Variants in HSF2BP observed in about 807,000 individuals in gnomAD.
HSF2BP encodes the protein heat shock factor 2-binding protein.
A neutral mutation model predicts 35.0 loss-of-function variants in HSF2BP; 35 were observed. The observed-to-expected ratio is 1.00, with a 90% CI of 0.76 to 1.32. The LOEUF is 1.32. Ranked by LOEUF, HSF2BP falls within the 40% of genes most tolerant of loss-of-function variation. The probability of loss-of-function intolerance (pLI) is 0.00; values close to 1 mark genes in which losing one functional copy is unlikely to be tolerated. For synonymous variants in HSF2BP, 114 were observed against 117.4 expected, an observed-to-expected ratio of 0.97 and a Z score of 0.18; for missense variants, 326 against 321.7, an observed-to-expected ratio of 1.01 and a Z score of -0.10.
chr21:43,610,435 C>CAA lies in HSF2BP; in HGVS notation c.692+3393_692+3394dup, dbSNP rs11382971. ...GAGACCCTGTCTCTACAAAAAATAC[C>CAA]AAAAAAAAAAAAAAAATTAGCTGCG... On this transcript the variant is annotated intron_variant, in intron 7 of 8. Coordinates refer to ENST00000291560, the MANE Select transcript of HSF2BP (RefSeq NM_007031.2). 6.0e-3 allele frequency among the ~76,000 whole-genome samples: 844 copies of CAA among 140,452 alleles called. 5 individuals are homozygous for CAA. Among genetic ancestry groups the CAA allele is most frequent in the East Asian group, 0.024 (115 of 4,810 alleles). The allele number at this position is 140,452 out of a possible 152,430, so 92.1% of individuals were successfully genotyped here.
intron 5 of HSF2BP, 56 bp from the exon 6 acceptor site, chr21:43,630,510 A>G (rs779849697): frequency 1.3e-6 from 2 of 1,554,688 alleles, no homozygotes; most frequent in Admixed American, 2.0e-5. Context: ...GTGTGAAAAC[A>G]TTTTAAAAGT....
intron 4 of HSF2BP, among the ~76,000 whole-genome samples, chr21:43,637,042 AC>A (rs945815682): frequency 9.2e-5 from 14 of 152,102 alleles, no homozygotes; most frequent in African/African-American, 3.4e-4. Context: ...TAATCCCAGC[AC>A]TTTGGAAGGC....
intron 1 of HSF2BP, 96 bp from the exon 2 acceptor site, chr21:43,658,416 G>C: frequency 2.8e-6 from 1 of 361,538 alleles, no homozygotes; most frequent in Non-Finnish European, 5.0e-6. Context: ...CTACACTAAG[G>C]GGGACTGCGT....
intron 7 of HSF2BP, among the ~76,000 whole-genome samples, chr21:43,608,610 G>A (rs1033840010): frequency 1.3e-5 from 2 of 152,068 alleles, no homozygotes; most frequent in Non-Finnish European, 2.9e-5. Flanking sequence ...AATAGCCAAA[G>A]GAAAATAAAA....
At chr21:43,657,968 C>A in intron 2 of HSF2BP, 93 bp downstream of exon 2, 1 of 1,524,792 alleles carries the variant, frequency 6.6e-7, no homozygotes, top group Non-Finnish European at 8.8e-7. Flanking sequence ...CACGCGACAG[C>A]GAGCCGTCTC....
intron 4 of HSF2BP, among the ~76,000 whole-genome samples, chr21:43,643,477 G>T (rs145661978): frequency 7.9e-5 from 12 of 152,232 alleles, no homozygotes; most frequent in Admixed American, 3.3e-4. Flanking sequence ...CTGAGAGCAG[G>T]TTGGTAAAGA....
At chr21:43,604,608 T>C (rs1446692315) in intron 7 of HSF2BP, among the ~76,000 whole-genome samples, 35 of 96,210 alleles carry the variant, frequency 3.6e-4, no homozygotes, top group Non-Finnish European at 5.4e-4. Flanking sequence ...ACATCACACA[T>C]ACCACATCAT....
chr21:43,595,470 G>A (rs1010133182), intron 7 of HSF2BP, among the ~76,000 whole-genome samples: 1 of 151,896 alleles, frequency 6.6e-6, no homozygotes, highest in African/African-American at 2.4e-5. Flanking sequence ...GTCAGCCTGG[G>A]CAACATGGCA....
intron 6 of HSF2BP, among the ~76,000 whole-genome samples, chr21:43,622,256 G>A (rs930087451): frequency 4.6e-5 from 7 of 151,928 alleles, no homozygotes; most frequent in African/African-American, 1.7e-4. Flanking sequence ...AAGAAAGCAA[G>A]AAAAAAGAAG....
intron 7 of HSF2BP, among the ~76,000 whole-genome samples, chr21:43,606,747 AC>A (rs1164904933): frequency 6.6e-6 from 1 of 152,216 alleles, no homozygotes; most frequent in Non-Finnish European, 1.5e-5. Flanking sequence ...TACTCAGTGA[AC>A]AAGGGAAATG....
chr21:43,647,112 TTC>T (rs1213861356), intron 3 of HSF2BP, among the ~76,000 whole-genome samples: 3 of 152,248 alleles, frequency 2.0e-5, no homozygotes, highest in Non-Finnish European at 4.4e-5. Flanking sequence ...GTATGTCTCA[TTC>T]TCATACAATA....
chr21:43,611,778 G>C (rs2082207692), intron 7 of HSF2BP, among the ~76,000 whole-genome samples: 1 of 152,266 alleles, frequency 6.6e-6, no homozygotes, highest in South Asian at 2.1e-4. Flanking sequence ...AGGGCGGGAT[G>C]AGGGCAGAGT....
In HSF2BP at chr21:43,597,531, T is replaced by C. The variant is rs1196678086; in HGVS notation, c.693-5203A>G. Among the ~76,000 whole-genome samples the C allele has an allele frequency of 6.6e-6, 1 of 152,192 alleles. No individual in the cohort carries two copies. The highest frequency in any genetic ancestry group is 1.5e-5 in the Non-Finnish European group (1 of 68,030). Reference sequence around the variant, plus strand: ...AGCAAAACTTTAATTTTTTACTTTTTTTTCCTAGAGCTAGGGTCTCACTTT... The same window carrying C: ...AGCAAAACTTTAATTTTTTACTTTTCTTTCCTAGAGCTAGGGTCTCACTTT... On this transcript the variant is annotated intron_variant, in intron 7 of 8. Coordinates refer to ENST00000291560, the MANE Select transcript of HSF2BP (RefSeq NM_007031.2). The surrounding 1 kb of genome is among the most constrained non-coding windows in gnomAD (Gnocchi z 4.3).
At chr21:43,495,668 TC>T in the HSF2BP span, among the ~76,000 whole-genome samples, 1 of 120,720 alleles carries the variant, frequency 8.3e-6, no homozygotes. Flanking sequence ...GAGGGATCTG[TC>T]CCAGGCAGAC....
At chr21:43,581,935 T>TGA in intron 8 of HSF2BP, among the ~76,000 whole-genome samples, 1 of 75,694 alleles carries the variant, frequency 1.3e-5, no homozygotes, top group African/African-American at 6.1e-5. Context: ...GGGCCTGCCG[T>TGA]GGGGGATGAG....
intron 4 of HSF2BP, among the ~76,000 whole-genome samples, chr21:43,635,928 C>CAAAAAA (rs33999944): frequency 4.2e-5 from 3 of 71,110 alleles, no homozygotes; most frequent in African/African-American, 5.6e-5. Flanking sequence ...GACTCCATCT[C>CAAAAAA]AAAAAAAAAA....
chr21:43,630,683 A>G (rs1380993306), intron 5 of HSF2BP, among the ~76,000 whole-genome samples: 1 of 152,236 alleles, frequency 6.6e-6, no homozygotes, highest in Non-Finnish European at 1.5e-5. Context: ...AATATGATAT[A>G]GGACAAATGT....
intron 4 of HSF2BP, among the ~76,000 whole-genome samples, chr21:43,640,947 G>A (rs992584390): frequency 6.6e-6 from 1 of 152,154 alleles, no homozygotes; most frequent in Non-Finnish European, 1.5e-5. Flanking sequence ...CTGTTTAAAG[G>A]AATACTCATA....
intron 4 of HSF2BP, among the ~76,000 whole-genome samples, chr21:43,634,889 T>C (rs1368768516): frequency 6.6e-6 from 1 of 152,172 alleles, no homozygotes; most frequent in East Asian, 1.9e-4. Context: ...GCACTTCCTT[T>C]TGGAATTCTA....
Sources: allele counts gnomAD v4.1 joint callset (sites outside exome capture counted in the v4.1 genomes callset), GRCh38; gene constraint gnomAD v4.1.1; non-coding constraint Gnocchi (gnomAD v3.1); transcripts MANE v1.5; gene names NCBI Gene and HGNC (gene_info 2026-07-23, HGNC 2026-07-21).